The following CHM variants were observed in gnomAD, a reference collection of about 807,000 sequenced individuals.
CHM encodes the protein CHM Rab escort protein, also known as rab proteins geranylgeranyltransferase component A 1.
CHM carries 10 observed loss-of-function variants against 49.0 expected under a neutral mutation model. The ratio of observed to expected loss-of-function variants is 0.20; its 90% CI spans 0.13 to 0.35. CHM has a LOEUF of 0.35. CHM is among the 10% of genes least tolerant of loss of function. The probability of loss-of-function intolerance (pLI) is 1.00; values close to 1 mark genes in which losing one functional copy is unlikely to be tolerated. For missense variants in CHM, 455 were observed against 478.4 expected, an observed-to-expected ratio of 0.95 and a Z score of 0.46; for synonymous variants, 184 against 167.5, an observed-to-expected ratio of 1.10 and a Z score of -0.76.
intron 8 of CHM, among the ~76,000 whole-genome samples, chrX:85,913,677 T>C (rs779751288): frequency 9.0e-6 from 1 of 110,992 alleles, no homozygotes; most frequent in East Asian, 2.8e-4. Context: ...AGCTACTAAG[T>C]TTGTTATGGC....
At chrX:85,898,641 T>A (rs1233374302) in intron 11 of CHM, among the ~76,000 whole-genome samples, 1 of 112,517 alleles carries the variant, frequency 8.9e-6, no homozygotes, top group Non-Finnish European at 1.9e-5. Flanking sequence ...CCTGGCACTC[T>A]TTGATCCACT....
At chrX:86,035,221 G>A (rs1934189852) in intron 1 of CHM, among the ~76,000 whole-genome samples, 1 of 111,903 alleles carries the variant, frequency 8.9e-6, no homozygotes, top group African/African-American at 3.3e-5. Context: ...ACTTAAAAAT[G>A]AGCAACGCAA....
intron 4 of CHM, among the ~76,000 whole-genome samples, chrX:85,971,803 A>C (rs1258827051): frequency 3.6e-5 from 4 of 111,117 alleles, no homozygotes; most frequent in Admixed American, 9.5e-5. Context: ...CTAGATATAA[A>C]GGTTCTCCAC....
intron 2 of CHM, among the ~76,000 whole-genome samples, chrX:85,989,701 C>T (rs1188400966): frequency 1.8e-5 from 2 of 108,584 alleles, no homozygotes; most frequent in Non-Finnish European, 3.8e-5. Context: ...GAACACTTTT[C>T]AAAAGAAAAC....
intron 2 of CHM, among the ~76,000 whole-genome samples, chrX:85,990,898 CTACATATTG>C (rs769998978): frequency 1.8e-5 from 2 of 112,114 alleles, no homozygotes; most frequent in South Asian, 7.4e-4. Context: ...TGCTACTAAA[CTACATATTG>C]TATTGTGAAA....
At chrX:85,945,195 C>A (rs1452870421) in intron 8 of CHM, among the ~76,000 whole-genome samples, 1 of 110,538 alleles carries the variant, frequency 9.0e-6, no homozygotes, top group Non-Finnish European at 1.9e-5. Flanking sequence ...AGGTACTATG[C>A]TTATTACCTG....
intron 2 of CHM, among the ~76,000 whole-genome samples, chrX:86,001,495 A>G (rs1254959260): frequency 8.9e-6 from 1 of 111,780 alleles, no homozygotes; most frequent in East Asian, 2.8e-4. Context: ...TGAGGTGCCA[A>G]CATCCGCTTC....
At chrX:85,868,484 G>A (rs925140009) in intron 14 of CHM, among the ~76,000 whole-genome samples, 21 of 111,389 alleles carry the variant, frequency 1.9e-4, no homozygotes, top group Admixed American at 3.8e-4. Flanking sequence ...TCATACTTCC[G>A]TTCCCCTAAT....
intron 4 of CHM, chrX:85,969,566 T>C (rs1226124921): frequency 9.2e-6 from 2 of 216,804 alleles, no homozygotes; most frequent in Admixed American, 1.9e-4. Context: ...AAATTAAAAA[T>C]AAATCTATCA....
intron 8 of CHM, among the ~76,000 whole-genome samples, chrX:85,949,667 T>C (rs1473930666): frequency 9.1e-6 from 1 of 110,456 alleles, no homozygotes; most frequent in East Asian, 2.9e-4. Context: ...GAAGAGCTTG[T>C]CTAGAAATAC....
At chrX:85,887,994 A>G (rs1925196089) in intron 12 of CHM, among the ~76,000 whole-genome samples, 1 of 112,386 alleles carries the variant, frequency 8.9e-6, no homozygotes, top group Admixed American at 9.4e-5. Context: ...ATGAGATTGA[A>G]AAGAAAAACC....
At chrX:85,892,304 G>A (rs996001839) in intron 12 of CHM, among the ~76,000 whole-genome samples, 1 of 110,738 alleles carries the variant, frequency 9.0e-6, no homozygotes, top group Non-Finnish European at 1.9e-5. Flanking sequence ...AGAATGATAT[G>A]GTTTGGCTGT....
rs929165765 is a variant in CHM, at chrX:86,035,775, C to T, written c.50-8218G>A. 8.6e-5 allele frequency among the ~76,000 whole-genome samples: 9 copies of T among 104,384 alleles called. 1 individual carries two copies. In the South Asian group the frequency reaches 1.7e-3, roughly 20 times the overall value. 90.6% of individuals were successfully genotyped at this position (104,384 alleles called of 115,157 possible). A position where few individuals can be genotyped will look rare whatever the true frequency, so the allele number is the denominator to read the frequency against. Reference sequence around the variant, plus strand: ...GAGAAACAGTGGAAGATACTGTCGACGAAAAGAGTTCATTTTTTTTTTTTT... The same window carrying T: ...GAGAAACAGTGGAAGATACTGTCGATGAAAAGAGTTCATTTTTTTTTTTTT... On this transcript the variant is annotated intron_variant, in intron 1 of 14. Coordinates refer to ENST00000357749, the MANE Select transcript of CHM (RefSeq NM_000390.4).
chrX:86,044,466 T>A (rs1934584906), intron 1 of CHM, among the ~76,000 whole-genome samples: 1 of 111,769 alleles, frequency 8.9e-6, no homozygotes, highest in South Asian at 3.7e-4. Flanking sequence ...TAAGTGATGA[T>A]CTCAGGGATT....
chrX:85,946,511 G>A (rs748667428), intron 8 of CHM, among the ~76,000 whole-genome samples: 2 of 112,078 alleles, frequency 1.8e-5, no homozygotes, highest in Admixed American at 1.9e-4. Context: ...TTCAGAGGGT[G>A]TAAGCCATAA....
At chrX:85,872,180 C>G (rs1924116211) in intron 14 of CHM, among the ~76,000 whole-genome samples, 1 of 112,006 alleles carries the variant, frequency 8.9e-6, no homozygotes, top group Non-Finnish European at 1.9e-5. Context: ...AGGACATTTG[C>G]TACTATAAGA....
chrX:85,936,630 A>T (rs1400815807), intron 8 of CHM, among the ~76,000 whole-genome samples: 4 of 112,472 alleles, frequency 3.6e-5, no homozygotes, highest in African/African-American at 1.3e-4. Flanking sequence ...TCAGTTTTTG[A>T]GTATTCCCTT....
At chrX:86,014,703 A>G (rs1933217890) in intron 2 of CHM, among the ~76,000 whole-genome samples, 1 of 112,161 alleles carries the variant, frequency 8.9e-6, no homozygotes, top group Admixed American at 9.4e-5. Context: ...ACAATGAAAT[A>G]GGCCAGGCAC....
At chrX:86,006,737 C>T (rs146446942) in intron 2 of CHM, among the ~76,000 whole-genome samples, 2,637 of 111,418 alleles carry the variant, frequency 0.024, 65 homozygotes, top group African/African-American at 0.081. Context: ...GAACAACAAA[C>T]CACTGCTCAA....
Sources: gnomAD v4.1 joint callset for allele counts (sites outside exome capture counted in the v4.1 genomes callset) on GRCh38, gnomAD v4.1.1 for gene constraint, MANE v1.5 for transcripts, NCBI Gene and HGNC (gene_info 2026-07-23, HGNC 2026-07-21) for gene names.